NDC80: variants seen among roughly 807,000 people sequenced by gnomAD.
NDC80 encodes the protein NDC80 kinetochore complex component, also known as kinetochore protein NDC80 homolog.
Under a neutral mutation model 89.3 loss-of-function variants are expected in NDC80, and 69 were observed. That is an observed-to-expected ratio of 0.77 (90% CI 0.64 to 0.94). The LOEUF is 0.94. Among genes scored for constraint, NDC80 ranks in the 40% least tolerant of loss-of-function variants. The pLI is 0.00. For missense variants in NDC80, 593 were observed against 739.6 expected, an observed-to-expected ratio of 0.80 and a Z score of 2.30; for synonymous variants, 243 against 255.6, an observed-to-expected ratio of 0.95 and a Z score of 0.47.
At chr18:2,606,738 C>T (rs901165878) in intron 14 of NDC80, among the ~76,000 whole-genome samples, 1 of 152,040 alleles carries the variant, frequency 6.6e-6, no homozygotes, top group Non-Finnish European at 1.5e-5. Flanking sequence ...GGAACATTTA[C>T]TTTTCCTTTA....
rs2072564774 is a variant in NDC80, at chr18:2,579,418, A to ATTTTG, written c.579+404_579+408dup. 3.3e-5 allele frequency among the ~76,000 whole-genome samples: 5 copies of ATTTTG among 152,146 alleles called. No individual in the cohort carries two copies. The South Asian group carries it at 8.3e-4, about 25-fold the overall frequency. On this transcript the variant is annotated intron_variant, in intron 6 of 16. Coordinates refer to ENST00000261597, the MANE Select transcript of NDC80 (RefSeq NM_006101.3). The stretch of plus-strand genomic sequence containing the variant: ...ATAACATAAAATGTTTCCTTGTGAT[A>ATTTTG]TTTTGTTTTGTTTTGTTTTTTGTTT...
At chr18:2,608,213 C>T (rs535766550) in intron 14 of NDC80, among the ~76,000 whole-genome samples, 298 of 145,156 alleles carry the variant, frequency 2.1e-3, no homozygotes, top group African/African-American at 7.1e-3. Flanking sequence ...ATAAAATCAC[C>T]TTTTTTTTTT....
At chr18:2,604,082 T>A (rs1192835854) in intron 13 of NDC80, among the ~76,000 whole-genome samples, 1 of 151,970 alleles carries the variant, frequency 6.6e-6, no homozygotes, top group Non-Finnish European at 1.5e-5. Flanking sequence ...ATTTTTTGAG[T>A]GCTTATGTGC....
rs764963511 is a variant in NDC80, at chr18:2,599,168, T to C, written c.1371T>C (p.Val457=). 9 of 1,602,704 alleles carry C rather than the reference T, an allele frequency of 5.6e-6. No homozygotes were observed. In the Admixed American group the frequency reaches 1.6e-4, roughly 28 times the overall value. The change falls in exon 12 of 17, where the codon GTT becomes GTC. Residue 457 remains valine, a synonymous_variant. Coordinates refer to ENST00000261597, the MANE Select transcript of NDC80 (RefSeq NM_006101.3). The stretch of plus-strand genomic sequence containing the variant: ...GCCTTGTCAAATACAGGGCTCAAGT[T>C]TATGTAAGTAATCATGACTACTTTT... ...ANCLVKYRAQ[V]YVPLKELLNE...
intron 16 of NDC80, among the ~76,000 whole-genome samples, chr18:2,614,126 T>C (rs1038818356): frequency 2.0e-5 from 3 of 152,162 alleles, no homozygotes; most frequent in East Asian, 1.9e-4. Context: ...ACTATGTAAA[T>C]TGATAAAATA....
In NDC80 at chr18:2,577,785, A is replaced by G. The variant is rs1393781993; in HGVS notation, c.219A>G (p.Ile73Met). The change falls in exon 4 of 17, where the codon ATA becomes ATG. Residue 73 changes from isoleucine (I) to methionine (M), a missense_variant. By Grantham distance (10) the Ile-to-Met change is conservative. Transcript: ENST00000261597. Reference protein sequence around the residue: ...GHGSRNSQLGIFSSSEKIKDP... With the variant: ...GHGSRNSQLGMFSSSEKIKDP... ...GATCCCGGAATAGTCAACTTGGTAT[A>G]TTTTCCAGTTCTGAGAAAATCAAGG... The G allele has an allele frequency of 6.2e-7, 1 of 1,613,976 alleles. No homozygotes were observed. The highest frequency in any genetic ancestry group is 1.3e-5 in the African/African-American group (1 of 74,924).
At chr18:2,584,934 T>C (rs2072596544) in intron 6 of NDC80, among the ~76,000 whole-genome samples, 179 bp from the exon 7 acceptor site, 1 of 152,202 alleles carries the variant, frequency 6.6e-6, no homozygotes, top group Non-Finnish European at 1.5e-5. Flanking sequence ...ACCTGCAAAT[T>C]GTTTTATTCG....
At chr18:2,588,277 G>T (rs190269081) in intron 8 of NDC80, among the ~76,000 whole-genome samples, 59 of 152,248 alleles carry the variant, frequency 3.9e-4, no homozygotes, top group African/African-American at 1.4e-3. Flanking sequence ...CCTCTTGGGG[G>T]ATAATATCCC....
intron 7 of NDC80, among the ~76,000 whole-genome samples, chr18:2,587,418 T>C (rs534348037): frequency 1.3e-5 from 2 of 152,358 alleles, no homozygotes; most frequent in East Asian, 1.9e-4. Flanking sequence ...TTAGACCTTA[T>C]CAATTCAATT....
Position 2,577,865 on chromosome 18 carries a change from G to A in NDC80, c.299G>A (p.Cys100Tyr). ...AFIQQCIRQL[C>Y]EFLTENGYAH... ...ATTCAGCAGTGTATTCGACAACTCTGTGAGGTACTTTAGGATTTTAATCTA... is the reference window on the plus strand; with the variant it reads ...ATTCAGCAGTGTATTCGACAACTCTATGAGGTACTTTAGGATTTTAATCTA... The change falls in exon 4 of 17, where the codon TGT becomes TAT. Residue 100 changes from cysteine (C) to tyrosine (Y), a missense_variant. Coordinates refer to ENST00000261597, the MANE Select transcript of NDC80 (RefSeq NM_006101.3). 5 of 1,613,628 alleles carry A rather than the reference G, an allele frequency of 3.1e-6. No individual in the cohort carries two copies. The highest frequency in any genetic ancestry group is 1.7e-4 in the Middle Eastern group (1 of 6,058).
chr18:2,589,401 A>G (rs2072616563), intron 9 of NDC80, 91 bp downstream of exon 9: 1 of 869,282 alleles, frequency 1.2e-6, no homozygotes, highest in Admixed American at 2.4e-5. Flanking sequence ...AATTTTAAAA[A>G]ATAGATTAAC....
At chr18:2,600,466 G>A (rs957736337) in intron 12 of NDC80, among the ~76,000 whole-genome samples, 39 of 152,066 alleles carry the variant, frequency 2.6e-4, no homozygotes, top group African/African-American at 5.3e-4. Flanking sequence ...AAAACTAGCC[G>A]GGTGTGGTGG....
At position 2,612,588 on chromosome 18, in the gene NDC80, G is replaced by A. The variant is rs888712815; in HGVS notation, c.1791+1727G>A. Among the ~76,000 whole-genome samples the A allele has an allele frequency of 2.6e-5, 4 of 152,138 alleles. No homozygotes were observed. In the South Asian group the frequency reaches 8.3e-4, roughly 32 times the overall value. The stretch of plus-strand genomic sequence containing the variant: ...GCAGGCATGAGCCACTCGCCTGGCA[G>A]TGATTTTCTATTATCTGCAGCTCTA... On this transcript the variant is annotated intron_variant, in intron 16 of 16. Coordinates refer to ENST00000261597, the MANE Select transcript of NDC80 (RefSeq NM_006101.3).
intron 10 of NDC80, chr18:2,594,347 A>G (rs2072642996): frequency 6.5e-6 from 1 of 153,334 alleles, no homozygotes; most frequent in South Asian, 2.1e-4. Context: ...TTCTATCCTC[A>G]CCAAATAAGC....
chr18:2,605,828 A>G (rs2072708661), intron 13 of NDC80, among the ~76,000 whole-genome samples: 1 of 152,110 alleles, frequency 6.6e-6, no homozygotes, highest in African/African-American at 2.4e-5. Context: ...GCTGACATCA[A>G]CTGGTATCAG....
At chr18:2,572,473 T>G (rs539200166) in intron 1 of NDC80, among the ~76,000 whole-genome samples, 1 of 152,256 alleles carries the variant, frequency 6.6e-6, no homozygotes, top group East Asian at 1.9e-4. Flanking sequence ...GAGGAAACAA[T>G]GGGTTAAGGA....
chr18:2,598,980 G>A (rs976974112), intron 11 of NDC80, 39 bp from the exon 12 acceptor site: 1 of 1,473,892 alleles, frequency 6.8e-7, no homozygotes, highest in African/African-American at 1.4e-5. Flanking sequence ...ATATGGAATG[G>A]GGCTGCTTTA....
intron 14 of NDC80, among the ~76,000 whole-genome samples, chr18:2,607,935 T>C (rs1423139998): frequency 7.0e-6 from 1 of 142,762 alleles, no homozygotes; most frequent in Non-Finnish European, 1.5e-5. Context: ...GCAATCCTTC[T>C]ATTGTGTTTT....
At chr18:2,583,055 C>G (rs1252063311) in intron 6 of NDC80, among the ~76,000 whole-genome samples, 2 of 152,218 alleles carry the variant, frequency 1.3e-5, no homozygotes, top group Admixed American at 6.5e-5. Context: ...CCTCTGTGTC[C>G]TTTTCCTCCT....
Sources: allele counts gnomAD v4.1 joint callset (sites outside exome capture counted in the v4.1 genomes callset), GRCh38; gene constraint gnomAD v4.1.1; transcripts MANE v1.5; gene names NCBI Gene and HGNC (gene_info 2026-07-23, HGNC 2026-07-21).